ABCB11: variants seen among roughly 807,000 people sequenced by gnomAD.
ABCB11 encodes the protein bile salt export pump.
A neutral mutation model predicts 148.0 loss-of-function variants in ABCB11; 95 were observed. That is an observed-to-expected ratio of 0.64 (90% CI 0.54 to 0.76). The LOEUF (loss-of-function observed/expected upper bound fraction) is 0.76. Among genes scored for constraint, ABCB11 ranks in the 30% least tolerant of loss-of-function variants. The pLI, the probability that ABCB11 is intolerant of heterozygous loss-of-function variation, is 0.00. For missense variants in ABCB11, 1,523 were observed against 1,617.8 expected (o/e 0.94, Z 1.01); for synonymous variants, 591 against 555.4 (o/e 1.06, Z -0.90).
At chr2:168,990,173 G>A (rs1299584779) in intron 9 of ABCB11, among the ~76,000 whole-genome samples, 1 of 152,072 alleles carries the variant, frequency 6.6e-6, no homozygotes, top group Non-Finnish European at 1.5e-5. Flanking sequence ...AATTTGAGGA[G>A]GACTGGTACT....
At chr2:169,001,032 A>G (rs891561269) in intron 5 of ABCB11, among the ~76,000 whole-genome samples, 1 of 152,148 alleles carries the variant, frequency 6.6e-6, no homozygotes, top group African/African-American at 2.4e-5. Context: ...TTATAGATAC[A>G]TCACTTTTCA....
At chr2:168,976,154 G>A (rs1558902045) in intron 12 of ABCB11, among the ~76,000 whole-genome samples, 1 of 152,066 alleles carries the variant, frequency 6.6e-6, no homozygotes, top group East Asian at 1.9e-4. Context: ...CCTACATAAT[G>A]GCAGCTTTCC....
rs1306238034 is a variant in ABCB11, at chr2:168,922,344, G to C, written c.*1278C>G. ...CTCCCTGTGAGCCTCCTCAGAGAGGGAGTATGCAGTTTCTCGCTGGAACTG... is the reference window on the plus strand; with the variant it reads ...CTCCCTGTGAGCCTCCTCAGAGAGGCAGTATGCAGTTTCTCGCTGGAACTG... On this transcript the variant is annotated 3_prime_UTR_variant, in exon 28 of 28. Coordinates refer to ENST00000650372, the MANE Select transcript of ABCB11 (RefSeq NM_003742.4). Among the ~76,000 whole-genome samples, 1 of 152,152 alleles carries C rather than the reference G, an allele frequency of 6.6e-6. No individual in the cohort carries two copies. Among genetic ancestry groups the C allele is most frequent in the Non-Finnish European group, 1.5e-5 (1 of 68,038 alleles).
At position 168,979,912 on chromosome 2, in the gene ABCB11, G is replaced by C; in HGVS notation, c.1151C>G (p.Ala384Gly). The change falls in exon 11 of 28, where the codon GCA becomes GGA. Residue 384 changes from alanine to glycine, a missense_variant. Physicochemically the swap from Ala to Gly is moderately conservative, Grantham distance 60. Coordinates refer to ENST00000650372, the MANE Select transcript of ABCB11 (RefSeq NM_003742.4). ...GCTGGTGGCTGCTGCACGTCCAGTT[G>C]CAAAGGCTTCCAAACAAGGAGAGGC... ...GNASPCLEAF[A>G]TGRAAATSIF... The C allele has an allele frequency of 4.4e-6, 7 of 1,596,006 alleles. No individual in the cohort carries two copies. The highest frequency in any genetic ancestry group is 6.0e-6 in the Non-Finnish European group (7 of 1,168,346).
intron 1 of ABCB11, among the ~76,000 whole-genome samples, chr2:169,029,040 G>T (rs559637062): frequency 3.5e-4 from 53 of 152,186 alleles, no homozygotes; most frequent in African/African-American, 1.2e-3. Flanking sequence ...ACCAAGCCAG[G>T]CCCGGGAGTG....
rs989924100 is a variant in ABCB11, at chr2:168,923,516, T to G, written c.*106A>C. On this transcript the variant is annotated 3_prime_UTR_variant, in exon 28 of 28. Transcript: ENST00000650372. ...AAAGTAAAATATTAACATTCTTCTT[T>G]AAAGAAAAAACAATCCCAGCAATCC... 20 of 1,023,046 alleles carry G rather than the reference T, an allele frequency of 2.0e-5. No homozygotes were observed. Among genetic ancestry groups the G allele is most frequent in the Non-Finnish European group, 2.9e-5 (20 of 692,004 alleles). The allele number at this position is 1,023,046 out of a possible 1,614,324, so 63.4% of individuals were successfully genotyped here. A position where few individuals can be genotyped will look rare whatever the true frequency, so the allele number is the denominator to read the frequency against.
chr2:169,001,078 G>A (rs1694856906), intron 5 of ABCB11, among the ~76,000 whole-genome samples: 1 of 152,094 alleles, frequency 6.6e-6, no homozygotes, highest in Admixed American at 6.6e-5. Context: ...CAATTCAAGT[G>A]AAATATATAA....
At chr2:169,022,250 C>A (rs13390147) in intron 1 of ABCB11, among the ~76,000 whole-genome samples, 42 of 151,154 alleles carry the variant, frequency 2.8e-4, no homozygotes, top group African/African-American at 9.5e-4. Flanking sequence ...AGATAGAAAA[C>A]AAAATAAAAT....
chr2:168,942,193 C>A lies in ABCB11; in HGVS notation c.2610+2412G>T, dbSNP rs138421062. On this transcript the variant is annotated intron_variant, in intron 21 of 27. Transcript: ENST00000650372. ...CTCATTCAAAATAGTGGAAAAAATA[C>A]ATGAGAAAAAGTGAGCAAGATAGTG... Among the ~76,000 whole-genome samples, 940 of 149,150 alleles carry A rather than the reference C, an allele frequency of 6.3e-3. 10 individuals carry two copies. Among genetic ancestry groups the A allele is most frequent in the African/African-American group, 0.021 (869 of 40,944 alleles).
At chr2:168,939,046 C>T in intron 21 of ABCB11, among the ~76,000 whole-genome samples, 1 of 151,220 alleles carries the variant, frequency 6.6e-6, no homozygotes, top group Admixed American at 6.6e-5. Context: ...GTGCAATATT[C>T]CTTAGTATAA....
intron 9 of ABCB11, among the ~76,000 whole-genome samples, chr2:168,988,468 A>G (rs1694402726): frequency 6.6e-6 from 1 of 152,120 alleles, no homozygotes; most frequent in South Asian, 2.1e-4. Flanking sequence ...TATTCTATTG[A>G]ATATGGCATG....
intron 1 of ABCB11, among the ~76,000 whole-genome samples, chr2:169,024,463 G>A (rs1695630874): frequency 6.6e-6 from 1 of 152,092 alleles, no homozygotes; most frequent in South Asian, 2.1e-4. Context: ...GAAAAATTGT[G>A]AAGATGGTAC....
chr2:169,020,499 T>C (rs935475930), intron 1 of ABCB11, among the ~76,000 whole-genome samples: 12 of 151,718 alleles, frequency 7.9e-5, no homozygotes, highest in African/African-American at 2.4e-4. Context: ...ACAGAAAACA[T>C]AAATGAATAT....
chr2:169,017,925 C>T (rs746444576), intron 2 of ABCB11, 125 bp downstream of exon 2: 8 of 830,186 alleles, frequency 9.6e-6, no homozygotes, highest in Non-Finnish European at 1.7e-5. Context: ...ATAAGAATCA[C>T]ACACAATGAT....
At chr2:169,023,948 T>G (rs943875939) in intron 1 of ABCB11, among the ~76,000 whole-genome samples, 1 of 152,186 alleles carries the variant, frequency 6.6e-6, no homozygotes, top group African/African-American at 2.4e-5. Context: ...TGGTGTTCAT[T>G]AAGTTTTTCT....
chr2:168,946,546 C>T (rs1692330814), intron 19 of ABCB11, among the ~76,000 whole-genome samples: 2 of 151,722 alleles, frequency 1.3e-5, no homozygotes, highest in Admixed American at 1.3e-4. Flanking sequence ...CATAGCATAA[C>T]TCGTAAGTTT....
chr2:168,965,693 G>A (rs775326644), intron 17 of ABCB11, among the ~76,000 whole-genome samples: 4 of 151,854 alleles, frequency 2.6e-5, no homozygotes, highest in Admixed American at 6.6e-5. Context: ...AGAGAGAGAT[G>A]TGAGTGATGA....
downstream of ABCB11, among the ~76,000 whole-genome samples, chr2:168,918,325 C>T (rs1435212881): frequency 6.6e-6 from 1 of 152,182 alleles, no homozygotes; most frequent in African/African-American, 2.4e-5. Flanking sequence ...CATCAATAGA[C>T]ATTTTAGTAT....
chr2:168,974,847 A>G (rs1053129724), intron 12 of ABCB11, among the ~76,000 whole-genome samples: 4 of 151,688 alleles, frequency 2.6e-5, no homozygotes, highest in Middle Eastern at 3.5e-3. Flanking sequence ...GCACCTTTAC[A>G]TATGTTATAA....
Sources: allele counts gnomAD v4.1 joint callset (sites outside exome capture counted in the v4.1 genomes callset), GRCh38; gene constraint gnomAD v4.1.1; transcripts MANE v1.5; gene names NCBI Gene and HGNC (gene_info 2026-07-23, HGNC 2026-07-21).